Variants in APLF observed in about 807,000 individuals in gnomAD.
APLF encodes the protein aprataxin and PNKP like factor.
Under a neutral mutation model 55.6 loss-of-function variants are expected in APLF, and 61 were observed. The observed-to-expected ratio is 1.10, with a 90% CI of 0.89 to 1.36. APLF has a LOEUF of 1.36. Ranked by LOEUF, APLF falls within the 40% of genes most tolerant of loss-of-function variation. The pLI is 0.00. For missense variants in APLF, 611 were observed against 602.5 expected (o/e 1.01, Z -0.15); for synonymous variants, 207 against 214.8 (o/e 0.96, Z 0.32).
chr2:68,481,796 G>A (rs1675967182), intron 1 of APLF, among the ~76,000 whole-genome samples: 1 of 151,918 alleles, frequency 6.6e-6, no homozygotes, highest in African/African-American at 2.4e-5. Context: ...CTTCATTCTA[G>A]TATATACTTT....
chr2:68,500,182 T>G (rs1397432470), intron 2 of APLF, among the ~76,000 whole-genome samples: 1 of 152,214 alleles, frequency 6.6e-6, no homozygotes, highest in Non-Finnish European at 1.5e-5. Flanking sequence ...GACATTGATT[T>G]TTTAACTTAT....
chr2:68,517,752 T>C (rs1252973727), intron 5 of APLF, among the ~76,000 whole-genome samples: 1 of 145,252 alleles, frequency 6.9e-6, no homozygotes, highest in Non-Finnish European at 1.5e-5. Flanking sequence ...CACTAATATC[T>C]ACTGTTAATA....
At chr2:68,518,415 T>G (rs1573208598) in intron 5 of APLF, among the ~76,000 whole-genome samples, 2 of 112,218 alleles carry the variant, frequency 1.8e-5, no homozygotes, top group African/African-American at 3.7e-5. Flanking sequence ...TATTATATAT[T>G]ATATAATAAT....
chr2:68,470,762 T>G (rs1434513565), intron 1 of APLF, among the ~76,000 whole-genome samples: 1 of 152,226 alleles, frequency 6.6e-6, no homozygotes, highest in African/African-American at 2.4e-5. Flanking sequence ...AGATATCTAG[T>G]GATACTTTCT....
intron 2 of APLF, among the ~76,000 whole-genome samples, chr2:68,493,650 A>C (rs1353270651): frequency 6.6e-6 from 1 of 152,234 alleles, no homozygotes. Flanking sequence ...GAAATACCTG[A>C]GACTGGGTAA....
chr2:68,485,326 T>G (rs1676130725), intron 1 of APLF, among the ~76,000 whole-genome samples: 1 of 152,178 alleles, frequency 6.6e-6, no homozygotes. Context: ...TGTCCCACAA[T>G]TTTTGTTTTT....
At chr2:68,471,211 G>C (rs561843821) in intron 1 of APLF, among the ~76,000 whole-genome samples, 23 of 152,198 alleles carry the variant, frequency 1.5e-4, no homozygotes, top group African/African-American at 5.5e-4. Flanking sequence ...TATGAAAAAG[G>C]GTTATCATTG....
Position 68,509,112 on chromosome 2 carries a change from A to T in APLF, c.342-3968A>T, listed in dbSNP as rs185555146. On this transcript the variant is annotated intron_variant, in intron 3 of 9. Transcript: ENST00000303795. ...CTTAAATGTTAGACCTAAAACCATA[A>T]AAACCCTAGAAGAAAACCTAGGCAA... is the stretch of plus-strand genomic sequence containing the variant. 2.1e-3 allele frequency among the ~76,000 whole-genome samples: 325 copies of T among 152,296 alleles called. 1 individual carries two copies. The highest frequency in any genetic ancestry group is 7.3e-3 in the African/African-American group (304 of 41,582).
chr2:68,526,558 A>T (rs537272366), intron 6 of APLF, among the ~76,000 whole-genome samples: 4 of 152,218 alleles, frequency 2.6e-5, no homozygotes, highest in Non-Finnish European at 4.4e-5. Context: ...CTGGATAATC[A>T]GACTTCTTTT....
chr2:68,502,976 T>A, intron 3 of APLF, 73 bp downstream of exon 3: 1 of 1,471,742 alleles, frequency 6.8e-7, no homozygotes, highest in Admixed American at 2.1e-5. Flanking sequence ...AATCCTTCGG[T>A]AGGAACCAGT....
intron 7 of APLF, among the ~76,000 whole-genome samples, chr2:68,540,463 A>G (rs894893784): frequency 6.6e-6 from 1 of 152,208 alleles, no homozygotes; most frequent in Non-Finnish European, 1.5e-5. Context: ...TAGTGCTGCC[A>G]TAAACATACA....
intron 9 of APLF, among the ~76,000 whole-genome samples, chr2:68,570,203 T>C (rs942033228): frequency 6.6e-6 from 1 of 151,914 alleles, no homozygotes; most frequent in Non-Finnish European, 1.5e-5. Flanking sequence ...CTCCACACTT[T>C]TTCGAGTGCT....
intron 7 of APLF, among the ~76,000 whole-genome samples, chr2:68,543,974 G>C (rs1324653365): frequency 6.9e-6 from 1 of 144,860 alleles, no homozygotes; most frequent in East Asian, 2.0e-4. Context: ...TAAGTCAATT[G>C]TATTTTCTTT....
At chr2:68,473,744 A>G (rs1003144079) in intron 1 of APLF, among the ~76,000 whole-genome samples, 1 of 152,166 alleles carries the variant, frequency 6.6e-6, no homozygotes, top group Non-Finnish European at 1.5e-5. Flanking sequence ...TCATATGTAT[A>G]TTTTGAGTGG....
At chr2:68,481,027 G>A (rs933966659) in intron 1 of APLF, among the ~76,000 whole-genome samples, 2 of 151,932 alleles carry the variant, frequency 1.3e-5, no homozygotes, top group African/African-American at 4.8e-5. Flanking sequence ...ATTTTTTTGA[G>A]GATTTTTGAA....
chr2:68,494,820 A>G (rs112410983), intron 2 of APLF, among the ~76,000 whole-genome samples: 1 of 152,102 alleles, frequency 6.6e-6, no homozygotes, highest in African/African-American at 2.4e-5. Context: ...ATGTCCCTTC[A>G]AAGGACATGT....
At chr2:68,481,066 GT>G (rs1675934712) in intron 1 of APLF, among the ~76,000 whole-genome samples, 1 of 152,072 alleles carries the variant, frequency 6.6e-6, no homozygotes. Context: ...ATGTTGACTT[GT>G]AATTTTCTTT....
chr2:68,537,741 G>T (rs6714976), intron 6 of APLF, 131 bp from the exon 7 acceptor site: 107,746 of 693,092 alleles, frequency 0.16, 13,347 homozygotes, highest in African/African-American at 0.54. Context: ...TGGCATTTAA[G>T]AACTTTAAAA....
chr2:68,514,482 C>G (rs1309689295), intron 5 of APLF, among the ~76,000 whole-genome samples: 1 of 151,766 alleles, frequency 6.6e-6, no homozygotes, highest in Non-Finnish European at 1.5e-5. Flanking sequence ...TACCCTGTTT[C>G]CCCTGTTATG....
Sources: gnomAD v4.1 joint callset for allele counts (sites outside exome capture counted in the v4.1 genomes callset) on GRCh38, gnomAD v4.1.1 for gene constraint, MANE v1.5 for transcripts, NCBI Gene and HGNC (gene_info 2026-07-23, HGNC 2026-07-21) for gene names.